Variants in SPATA16 observed in about 807,000 individuals in gnomAD.
SPATA16 encodes the protein spermatogenesis associated 16, also known as spermatogenesis-associated protein 16.
SPATA16 carries 36 observed loss-of-function variants against 63.3 expected under a neutral mutation model. The ratio of observed to expected loss-of-function variants is 0.57; its 90% CI spans 0.44 to 0.75. The LOEUF is 0.75. SPATA16 is among the 30% of genes least tolerant of loss of function. The pLI is 0.00. For synonymous variants in SPATA16, 203 were observed against 216.7 expected, an observed-to-expected ratio of 0.94 and a Z score of 0.56; for missense variants, 646 against 679.3, an observed-to-expected ratio of 0.95 and a Z score of 0.54.
rs770615218 is a variant in SPATA16 at position 173,117,636 on chromosome 3, G to A, written c.96C>T (p.Ser32=). 3 of 1,614,018 alleles carry A rather than the reference G, an allele frequency of 1.9e-6. No homozygotes were observed. The highest frequency in any genetic ancestry group is 2.5e-6 in the Non-Finnish European group (3 of 1,179,954). Residue 32 remains serine, a synonymous_variant, in exon 2 of 11, where the codon TCC becomes TCT. Coordinates refer to ENST00000351008, the MANE Select transcript of SPATA16 (RefSeq NM_031955.6). ...VPKINTSKKM[S]TLAHPPNILE... is the part of the protein sequence containing the mutation. ...GGATGTTAGGTGGGTGCGCTAAGGT[G>A]GACATTTTCTTGCTTGTGTTTATCT... is the stretch of plus-strand genomic sequence containing the variant.
chr3:173,026,098 A>G (rs1002595227), intron 3 of SPATA16, among the ~76,000 whole-genome samples: 1 of 151,906 alleles, frequency 6.6e-6, no homozygotes, highest in Non-Finnish European at 1.5e-5. Flanking sequence ...ATCAGCATGT[A>G]TGCGTGTGTT....
intron 9 of SPATA16, among the ~76,000 whole-genome samples, chr3:172,914,505 A>G (rs758182233): frequency 1.3e-5 from 2 of 152,164 alleles, no homozygotes; most frequent in Non-Finnish European, 2.9e-5. Context: ...TGGTTTAGAT[A>G]TTGCAGCGTG....
chr3:172,897,174 A>G (rs957740525), intron 10 of SPATA16, among the ~76,000 whole-genome samples: 1 of 152,110 alleles, frequency 6.6e-6, no homozygotes, highest in African/African-American at 2.4e-5. Context: ...TGGTCTACAG[A>G]TGTGTAAATG....
At chr3:172,924,924 C>T (rs1323758170) in intron 7 of SPATA16, among the ~76,000 whole-genome samples, 2 of 152,198 alleles carry the variant, frequency 1.3e-5, no homozygotes, top group East Asian at 1.9e-4. Context: ...GAGATCTAAA[C>T]TCTTGGCTAA....
At chr3:172,903,017 C>T (rs1732153851) in intron 10 of SPATA16, among the ~76,000 whole-genome samples, 1 of 152,170 alleles carries the variant, frequency 6.6e-6, no homozygotes, top group African/African-American at 2.4e-5. Flanking sequence ...TTGCTCTGAA[C>T]TCTGTATTAA....
chr3:173,031,229 G>A (rs1020529173), intron 3 of SPATA16, among the ~76,000 whole-genome samples: 2 of 151,928 alleles, frequency 1.3e-5, no homozygotes, highest in African/African-American at 2.4e-5. Flanking sequence ...TTTATGTTAT[G>A]TATATTTTAC....
chr3:173,030,068 A>G (rs928005892), intron 3 of SPATA16, among the ~76,000 whole-genome samples: 14 of 134,998 alleles, frequency 1.0e-4, no homozygotes, highest in African/African-American at 3.4e-4. Context: ...CTATCTATCT[A>G]TCTATCTATC....
intron 4 of SPATA16, among the ~76,000 whole-genome samples, chr3:172,984,157 T>C (rs760899808): frequency 1.3e-5 from 2 of 152,158 alleles, no homozygotes; most frequent in Non-Finnish European, 2.9e-5. Context: ...GTTTCTTGGG[T>C]ACACAAGCAC....
chr3:173,010,697 C>A (rs1238504671), intron 4 of SPATA16, among the ~76,000 whole-genome samples: 5 of 152,116 alleles, frequency 3.3e-5, no homozygotes, highest in African/African-American at 4.8e-5. Context: ...CTTATGGCTT[C>A]CAGTGCACCC....
intron 2 of SPATA16, among the ~76,000 whole-genome samples, chr3:173,060,097 A>C (rs1024400942): frequency 5.3e-5 from 8 of 152,006 alleles, no homozygotes; most frequent in African/African-American, 1.9e-4. Context: ...TCTCTACTAA[A>C]AATATAAAAA....
chr3:173,118,945 G>A (rs977011954), intron 1 of SPATA16, among the ~76,000 whole-genome samples: 1 of 152,162 alleles, frequency 6.6e-6, no homozygotes, highest in Non-Finnish European at 1.5e-5. Context: ...TTATCTTCAA[G>A]GTCAGTGTCC....
chr3:172,938,852 A>T (rs1298144297), intron 6 of SPATA16, among the ~76,000 whole-genome samples: 3 of 83,398 alleles, frequency 3.6e-5, no homozygotes, highest in Non-Finnish European at 6.6e-5. Context: ...CAACAAATGG[A>T]TCCCCTGGCA....
rs553512716 is a variant in SPATA16, at chr3:172,967,093, C to T, written c.933+9875G>A. Among the ~76,000 whole-genome samples, 5 of 152,242 alleles carry T rather than the reference C, an allele frequency of 3.3e-5. No homozygotes were observed. In the East Asian group the frequency reaches 9.6e-4, roughly 29 times the overall value. On this transcript the variant is annotated intron_variant, in intron 5 of 10. Transcript: ENST00000351008. ...GAAAATAAAATAACCTCATGGAAAC[C>T]ATGCAGAATAGCCACAGGCCTCCTG...
chr3:172,994,233 ATCAG>A (rs1477665110), intron 4 of SPATA16, among the ~76,000 whole-genome samples: 1 of 152,150 alleles, frequency 6.6e-6, no homozygotes, highest in African/African-American at 2.4e-5. Context: ...CTCTTGGTGA[ATCAG>A]TCAGTTCTAA....
chr3:173,048,679 G>A (rs549742889), intron 3 of SPATA16, among the ~76,000 whole-genome samples: 28 of 152,022 alleles, frequency 1.8e-4, no homozygotes, highest in South Asian at 1.5e-3. Context: ...TCTCTCCCTC[G>A]TTTCTTCCCG....
intron 5 of SPATA16, among the ~76,000 whole-genome samples, chr3:172,958,038 A>C (rs1733641698): frequency 6.6e-6 from 1 of 152,220 alleles, no homozygotes; most frequent in South Asian, 2.1e-4. Context: ...TTTCTGAATG[A>C]AATTCAACAA....
At chr3:173,132,693 T>C (rs888721029) in intron 1 of SPATA16, among the ~76,000 whole-genome samples, 2 of 152,132 alleles carry the variant, frequency 1.3e-5, no homozygotes, top group African/African-American at 2.4e-5. Flanking sequence ...ATTTGTAAGG[T>C]AGAAGCTGGG....
chr3:173,071,998 A>T (rs1032365525), intron 2 of SPATA16, among the ~76,000 whole-genome samples: 4 of 152,230 alleles, frequency 2.6e-5, no homozygotes, highest in African/African-American at 9.6e-5. Context: ...TGTGGAAAGA[A>T]GTTTGGAGAT....
chr3:172,997,850 T>TGAC (rs904847186), intron 4 of SPATA16, among the ~76,000 whole-genome samples: 54 of 152,274 alleles, frequency 3.5e-4, no homozygotes, highest in Middle Eastern at 3.4e-3. Context: ...TTTGTTGAGT[T>TGAC]GACTATCTTT....
Sources: allele counts gnomAD v4.1 joint callset (sites outside exome capture counted in the v4.1 genomes callset), GRCh38; gene constraint gnomAD v4.1.1; transcripts MANE v1.5; gene names NCBI Gene and HGNC (gene_info 2026-07-23, HGNC 2026-07-21).